The following LDLRAD4 variants were observed in gnomAD, a reference collection of about 807,000 sequenced individuals.
LDLRAD4 encodes the protein low-density lipoprotein receptor class A domain-containing protein 4.
A neutral mutation model predicts 17.0 loss-of-function variants in LDLRAD4; 5 were observed. That is an observed-to-expected ratio of 0.29 (90% CI 0.15 to 0.62). The LOEUF is 0.62. Ranked by LOEUF, LDLRAD4 falls within the 20% of genes least tolerant of loss-of-function variation. LDLRAD4 has a pLI of 0.84. For missense variants in LDLRAD4, 340 were observed against 424.7 expected (o/e 0.80, Z 1.75); for synonymous variants, 168 against 171.8 (o/e 0.98, Z 0.17).
chr18:13,393,669 G>A (rs779126178), intron 2 of LDLRAD4, among the ~76,000 whole-genome samples: 1 of 152,186 alleles, frequency 6.6e-6, no homozygotes, highest in Non-Finnish European at 1.5e-5. Flanking sequence ...TTCTGCCGAT[G>A]CTCTTTAGAG....
chr18:13,501,413 T>TCTGCGC (rs971501348), intron 3 of LDLRAD4: 1 of 152,170 alleles, frequency 6.6e-6, no homozygotes, highest in African/African-American at 2.4e-5. Context: ...GCTAAGCAAG[T>TCTGCGC]CTGCGCCGAG....
intron 1 of LDLRAD4, among the ~76,000 whole-genome samples, chr18:13,282,321 C>T (rs1472776607): frequency 6.6e-6 from 1 of 152,176 alleles, no homozygotes; most frequent in Non-Finnish European, 1.5e-5. Flanking sequence ...TCAGCATTAA[C>T]CCAGAAGTCC....
chr18:13,438,209 T>C (rs1291740802), intron 2 of LDLRAD4, 35 bp from the exon 4 acceptor site: 3 of 1,603,140 alleles, frequency 1.9e-6, no homozygotes, highest in South Asian at 1.1e-5. Flanking sequence ...CAAGCTTGCA[T>C]TGACTGCTCC....
Position 13,440,725 on chromosome 18 carries a change from G to A in LDLRAD4, c.181+2341G>A, listed in dbSNP as rs115966148. ...CATCTAAAGGAAAGAACGTCCATGG[G>A]AAACACAGTCTATGTCATCGTGTTG... is the stretch of plus-strand genomic sequence containing the variant. On this transcript the variant is annotated intron_variant, in intron 3 of 5. Transcript: ENST00000359446. This position sits in a 1 kb window ranked among gnomAD's most constrained non-coding sequence, Gnocchi z 4.4. Among the ~76,000 whole-genome samples, 573 of 152,268 alleles carry A rather than the reference G, an allele frequency of 3.8e-3. 7 individuals carry two copies. The highest frequency in any genetic ancestry group is 0.013 in the African/African-American group (557 of 41,548).
chr18:13,230,295 A>G (rs2042008010), intron 1 of LDLRAD4, among the ~76,000 whole-genome samples: 1 of 152,196 alleles, frequency 6.6e-6, no homozygotes, highest in Non-Finnish European at 1.5e-5. Flanking sequence ...CATTGAAGGT[A>G]TTTCGTTACA....
intron 2 of LDLRAD4, among the ~76,000 whole-genome samples, chr18:13,416,086 G>C (rs981390226): frequency 1.3e-5 from 2 of 152,218 alleles, no homozygotes; most frequent in Admixed American, 6.5e-5. Flanking sequence ...AGATCGGGCT[G>C]GCGGGGACAC....
At chr18:13,544,607 G>C (rs1323176386) in intron 3 of LDLRAD4, among the ~76,000 whole-genome samples, 1 of 152,202 alleles carries the variant, frequency 6.6e-6, no homozygotes, top group East Asian at 1.9e-4. Flanking sequence ...AGTTCGTGTG[G>C]GAGACAGAGC....
At chr18:13,547,997 AG>A (rs2094388891) in intron 3 of LDLRAD4, among the ~76,000 whole-genome samples, 1 of 152,194 alleles carries the variant, frequency 6.6e-6, no homozygotes, top group Non-Finnish European at 1.5e-5. Context: ...AGGGTGAGCA[AG>A]TCAAAGAGGT....
intron 1 of LDLRAD4, among the ~76,000 whole-genome samples, chr18:13,368,538 C>CT (rs1221546384): frequency 6.6e-6 from 1 of 152,220 alleles, no homozygotes; most frequent in Non-Finnish European, 1.5e-5. Flanking sequence ...GAAAGCAACT[C>CT]TGATTTTATC....
intron 1 of LDLRAD4, among the ~76,000 whole-genome samples, chr18:13,257,391 C>A (rs371421200): frequency 6.6e-6 from 1 of 152,216 alleles, no homozygotes; most frequent in South Asian, 2.1e-4. Flanking sequence ...TCCTTTCGTT[C>A]TGTAATGATG....
At chr18:13,312,778 T>C (rs1432997946) in intron 1 of LDLRAD4, among the ~76,000 whole-genome samples, 1 of 152,046 alleles carries the variant, frequency 6.6e-6, no homozygotes, top group Non-Finnish European at 1.5e-5. Context: ...CACACAAAAC[T>C]GAGTTCAAGG....
At chr18:13,550,819 C>CT (rs2094425692) in intron 3 of LDLRAD4, among the ~76,000 whole-genome samples, 2 of 152,284 alleles carry the variant, frequency 1.3e-5, no homozygotes, top group African/African-American at 4.8e-5. Flanking sequence ...CAGAACCTGG[C>CT]TCCAAGTCCC....
At chr18:13,435,006 G>C (rs187658299) in intron 2 of LDLRAD4, among the ~76,000 whole-genome samples, 2 of 152,374 alleles carry the variant, frequency 1.3e-5, no homozygotes, top group South Asian at 4.1e-4. Flanking sequence ...CAGCAGTGCT[G>C]AAAGACGTCC....
intron 3 of LDLRAD4, among the ~76,000 whole-genome samples, chr18:13,503,183 G>A (rs911295813): frequency 2.0e-5 from 3 of 152,216 alleles, no homozygotes; most frequent in African/African-American, 7.2e-5. Context: ...GGCATTTAAC[G>A]TTTTAAGCTT....
intron 1 of LDLRAD4, among the ~76,000 whole-genome samples, chr18:13,338,757 T>C (rs1175048303): frequency 6.6e-6 from 1 of 152,182 alleles, no homozygotes; most frequent in Non-Finnish European, 1.5e-5. Context: ...GTTTACACAT[T>C]CTGGCTCGTG....
At chr18:13,462,324 C>G (rs1307450448) in intron 3 of LDLRAD4, 1 of 152,552 alleles carries the variant, frequency 6.6e-6, no homozygotes, top group Non-Finnish European at 1.5e-5. Context: ...GGGGTCCATG[C>G]AGTTACTCTG....
At chr18:13,407,575 G>A (rs535313043) in intron 2 of LDLRAD4, among the ~76,000 whole-genome samples, 1 of 152,334 alleles carries the variant, frequency 6.6e-6, no homozygotes, top group Admixed American at 6.5e-5. Flanking sequence ...TTACCTGAGG[G>A]TACTAACACC....
intron 3 of LDLRAD4, among the ~76,000 whole-genome samples, chr18:13,546,780 G>A (rs142045518): frequency 6.6e-6 from 1 of 152,304 alleles, no homozygotes. Context: ...AGAAAGCGGT[G>A]ATCTCTGAGG....
At chr18:13,641,662 A>G in intron 4 of LDLRAD4, 1 of 694,146 alleles carries the variant, frequency 1.4e-6, no homozygotes. Flanking sequence ...CCAGAGGAGC[A>G]GCAGGCGCGC....
Sources: allele counts gnomAD v4.1 joint callset (sites outside exome capture counted in the v4.1 genomes callset), GRCh38; gene constraint gnomAD v4.1.1; non-coding constraint Gnocchi (gnomAD v3.1); transcripts MANE v1.5; gene names NCBI Gene and HGNC (gene_info 2026-07-23, HGNC 2026-07-21).